CC2D2A: variants seen among roughly 807,000 people sequenced by gnomAD.
The protein encoded by CC2D2A is coiled-coil and C2 domain-containing protein 2A.
CC2D2A carries 155 observed loss-of-function variants against 212.9 expected under a neutral mutation model. The ratio of observed to expected loss-of-function variants is 0.73; its 90% CI spans 0.64 to 0.83. The LOEUF is 0.83. CC2D2A is among the 40% of genes least tolerant of loss of function. The probability of loss-of-function intolerance (pLI) is 0.00; values close to 1 mark genes in which losing one functional copy is unlikely to be tolerated. For synonymous variants in CC2D2A, 667 were observed against 686.5 expected, an observed-to-expected ratio of 0.97 and a Z score of 0.44; for missense variants, 1,856 against 1,956.2, an observed-to-expected ratio of 0.95 and a Z score of 0.97.
intron 11 of CC2D2A, among the ~76,000 whole-genome samples, chr4:15,518,938 C>T (rs1480891008): frequency 6.6e-6 from 1 of 152,228 alleles, no homozygotes; most frequent in African/African-American, 2.4e-5. Context: ...TTGAAGACCT[C>T]TGACATGCCC....
In CC2D2A at chr4:15,503,061, C is replaced by T. The variant is rs1716053550; in HGVS notation, c.438+138C>T. ...AATAATTATAATACACTTTGGGAGA[C>T]TGAGGTGGGAGGATCGCTTGAGTCC... On this transcript the variant is annotated intron_variant, in intron 6 of 36. Transcript: ENST00000424120. 3 of 571,234 alleles carry T rather than the reference C, an allele frequency of 5.3e-6. No homozygotes were observed. The East Asian group carries it at 1.1e-4, about 22-fold the overall frequency. The allele number at this position is 571,234 out of a possible 1,614,324, so 35.4% of individuals were successfully genotyped here. A position where few individuals can be genotyped will look rare whatever the true frequency, so the allele number is the denominator to read the frequency against.
intron 1 of CC2D2A, among the ~76,000 whole-genome samples, chr4:15,471,401 C>T (rs1172286046): frequency 6.6e-6 from 1 of 152,028 alleles, no homozygotes; most frequent in Non-Finnish European, 1.5e-5. Flanking sequence ...TGGGCTTGAA[C>T]ATCACCTAAG....
At chr4:15,591,003 C>T (rs1328365706) in intron 33 of CC2D2A, among the ~76,000 whole-genome samples, 1 of 152,142 alleles carries the variant, frequency 6.6e-6, no homozygotes, top group Non-Finnish European at 1.5e-5. Context: ...GCTGGGATTA[C>T]AGGCGCGAGC....
chr4:15,555,224 GGCACACATGC>G lies in CC2D2A; in HGVS notation c.2625+15_2625+24del, dbSNP rs770791139. On this transcript the variant is annotated intron_variant, in intron 20 of 36. Coordinates refer to ENST00000424120, the MANE Select transcript of CC2D2A (RefSeq NM_001378615.1). The stretch of plus-strand genomic sequence containing the variant: ...CAGCTTATCTCGGTATGTAGCAGGA[GGCACACATGC>G]CATTTCTTGACTTGGCCTTTTACAC... 2.4e-5 allele frequency: 39 copies of G among 1,608,882 alleles called. 1 individual carries two copies. The Admixed American group carries it at 6.4e-4, about 26-fold the overall frequency.
intron 23 of CC2D2A, 69 bp from the exon 24 acceptor site, chr4:15,563,286 G>A: frequency 2.1e-6 from 3 of 1,457,766 alleles, no homozygotes; most frequent in East Asian, 4.9e-5. Flanking sequence ...GCAGAGTTCG[G>A]GAAGTCGTCT....
intron 18 of CC2D2A, among the ~76,000 whole-genome samples, chr4:15,552,020 C>T (rs1184739537): frequency 2.0e-5 from 3 of 152,050 alleles, no homozygotes; most frequent in Non-Finnish European, 4.4e-5. Context: ...ATTAATAGCT[C>T]CTTTAATGTC....
In CC2D2A at chr4:15,506,840, G is replaced by A. The variant is rs189165700; in HGVS notation, c.439-3299G>A. ...TGTAATCCCAGCACTTTGGGAGGCT[G>A]AGGCGGGCGGATCACGAGGTCAGGA... is the stretch of plus-strand genomic sequence containing the variant. On this transcript the variant is annotated intron_variant, in intron 6 of 36. Coordinates refer to ENST00000424120, the MANE Select transcript of CC2D2A (RefSeq NM_001378615.1). Among the ~76,000 whole-genome samples, 78 of 152,126 alleles carry A rather than the reference G, an allele frequency of 5.1e-4. No homozygotes were observed. In the East Asian group the frequency reaches 0.014, roughly 27 times the overall value.
chr4:15,579,096 G>A (rs1720539428), intron 29 of CC2D2A, among the ~76,000 whole-genome samples: 1 of 152,016 alleles, frequency 6.6e-6, no homozygotes, highest in South Asian at 2.1e-4. Context: ...CTTTAGTGGG[G>A]GAAATGACAA....
At chr4:15,535,356 T>A (rs1198638297) in intron 14 of CC2D2A, among the ~76,000 whole-genome samples, 1 of 151,488 alleles carries the variant, frequency 6.6e-6, no homozygotes, top group Non-Finnish European at 1.5e-5. Context: ...CCTCCATCCC[T>A]CCCCTCCTTC....
chr4:15,502,339 G>C (rs1021568541), intron 4 of CC2D2A, 90 bp from the exon 5 acceptor site: 4 of 980,508 alleles, frequency 4.1e-6, no homozygotes, highest in African/African-American at 1.7e-5. Context: ...CTTCCCTTTT[G>C]GGGGGAGGGA....
intron 11 of CC2D2A, among the ~76,000 whole-genome samples, chr4:15,521,809 C>T (rs1421147527): frequency 1.3e-5 from 2 of 152,228 alleles, no homozygotes; most frequent in African/African-American, 4.8e-5. Flanking sequence ...ATCTCTGACT[C>T]AGCTGTCTAT....
chr4:15,506,594 T>C (rs1716268356), intron 6 of CC2D2A, among the ~76,000 whole-genome samples: 1 of 152,206 alleles, frequency 6.6e-6, no homozygotes, highest in South Asian at 2.1e-4. Flanking sequence ...GTTTGTTTTG[T>C]GTGTTTTCAA....
At chr4:15,499,090 G>A (rs1368481201) in intron 4 of CC2D2A, among the ~76,000 whole-genome samples, 1 of 152,180 alleles carries the variant, frequency 6.6e-6, no homozygotes. Context: ...AAGATCAGTG[G>A]TTGCCAGAAA....
intron 4 of CC2D2A, 32 bp from the exon 5 acceptor site, chr4:15,502,397 T>C (rs921979141): frequency 2.0e-6 from 3 of 1,513,500 alleles, no homozygotes; most frequent in Admixed American, 2.1e-5. Context: ...CTTTTTTTTT[T>C]ATTTTGTTTT....
chr4:15,548,701 A>C (rs1299885900), intron 17 of CC2D2A, among the ~76,000 whole-genome samples: 1 of 152,222 alleles, frequency 6.6e-6, no homozygotes, highest in Non-Finnish European at 1.5e-5. Flanking sequence ...AGTGCAATAA[A>C]TGATAACTAC....
At chr4:15,489,508 C>CT (rs1715184694) in intron 4 of CC2D2A, among the ~76,000 whole-genome samples, 1 of 152,106 alleles carries the variant, frequency 6.6e-6, no homozygotes, top group African/African-American at 2.4e-5. Context: ...TAAATATTAC[C>CT]TATTATTAGT....
At chr4:15,500,014 T>C (rs750306228) in intron 4 of CC2D2A, among the ~76,000 whole-genome samples, 46 of 151,620 alleles carry the variant, frequency 3.0e-4, no homozygotes, top group Non-Finnish European at 4.9e-4. Flanking sequence ...GAGAAACGCA[T>C]AACTGAGTAA....
Position 15,540,918 on chromosome 4 carries a change from G to A in CC2D2A, c.2085G>A (p.Arg695=). ...TGTTCAACAACAAGGAGGTGTCCAGGACAGTCAGTCGGCCACTAGGAGCAG... is the reference window on the plus strand; with the variant it reads ...TGTTCAACAACAAGGAGGTGTCCAGAACAGTCAGTCGGCCACTAGGAGCAG... ...KVLFNNKEVS[R]TVSRPLGADF... The change falls in exon 17 of 37, where the codon AGG becomes AGA. Residue 695 remains arginine, a synonymous_variant. Coordinates refer to ENST00000424120, the MANE Select transcript of CC2D2A (RefSeq NM_001378615.1). 6.3e-7 allele frequency: 1 copy of A among 1,581,600 alleles called. No individual in the cohort carries two copies. Among genetic ancestry groups the A allele is most frequent in the Non-Finnish European group, 8.6e-7 (1 of 1,163,490 alleles).
Position 15,516,662 on chromosome 4 carries a change from C to G in CC2D2A, c.1055C>G (p.Ala352Gly). Residue 352 changes from alanine to glycine, a missense_variant, in exon 11 of 37, where the codon GCT becomes GGT. Coordinates refer to ENST00000424120, the MANE Select transcript of CC2D2A (RefSeq NM_001378615.1). ...TTTGGAGATGACGGCAGGATCCTAGCTCTGCCAAACCCCATCAAGCCATTT... is the reference window on the plus strand; with the variant it reads ...TTTGGAGATGACGGCAGGATCCTAGGTCTGCCAAACCCCATCAAGCCATTT... ...RWFGDDGRIL[A>G]LPNPIKPFPS... 1 of 1,613,094 alleles carries G rather than the reference C, an allele frequency of 6.2e-7. No homozygotes were observed. The highest frequency in any genetic ancestry group is 8.5e-7 in the Non-Finnish European group (1 of 1,179,370).
Sources: allele counts gnomAD v4.1 joint callset (sites outside exome capture counted in the v4.1 genomes callset), GRCh38; gene constraint gnomAD v4.1.1; transcripts MANE v1.5; gene names NCBI Gene and HGNC (gene_info 2026-07-23, HGNC 2026-07-21).